The following ZMYM2 variants were observed in gnomAD, a reference collection of about 807,000 sequenced individuals.
ZMYM2 encodes zinc finger MYM-type containing 2, also known as zinc finger MYM-type protein 2.
Under a neutral mutation model 162.8 loss-of-function variants are expected in ZMYM2, and 56 were observed. The observed-to-expected ratio is 0.34, with a 90% CI of 0.28 to 0.43. The LOEUF is 0.43. Ranked by LOEUF, ZMYM2 falls within the 20% of genes least tolerant of loss-of-function variation. The pLI, the probability that ZMYM2 is intolerant of heterozygous loss-of-function variation, is 1.00. For synonymous variants in ZMYM2, 510 were observed against 541.6 expected, an observed-to-expected ratio of 0.94 and a Z score of 0.81; for missense variants, 1,275 against 1,621.8, an observed-to-expected ratio of 0.79 and a Z score of 3.67.
intron 12 of ZMYM2, among the ~76,000 whole-genome samples, chr13:20,049,581 G>C (rs1162660090): frequency 6.6e-6 from 1 of 151,998 alleles, no homozygotes; most frequent in Non-Finnish European, 1.5e-5. Flanking sequence ...CTCATTTATA[G>C]TAACTCATTT....
chr13:20,069,435 C>T (rs1228439810), intron 21 of ZMYM2, among the ~76,000 whole-genome samples: 3 of 67,848 alleles, frequency 4.4e-5, no homozygotes, highest in African/African-American at 8.1e-5. Flanking sequence ...TTTTTGGTAG[C>T]TCCCTGTTAC....
chr13:19,924,319 C>A, the ZMYM2 span, among the ~76,000 whole-genome samples: 1 of 152,114 alleles, frequency 6.6e-6, no homozygotes, highest in Non-Finnish European at 1.5e-5. Flanking sequence ...AATCCCAGCA[C>A]GTTGGGAGCT....
chr13:19,888,864 C>T, the ZMYM2 span, among the ~76,000 whole-genome samples: 2 of 151,958 alleles, frequency 1.3e-5, no homozygotes, highest in African/African-American at 4.9e-5. Context: ...CTCCCAAAGG[C>T]TGGGATTACA....
intron 3 of ZMYM2, among the ~76,000 whole-genome samples, chr13:19,997,674 T>A (rs571370631): frequency 6.6e-6 from 1 of 152,290 alleles, no homozygotes; most frequent in East Asian, 1.9e-4. Context: ...CTCAAATTAG[T>A]TTTAAAATAG....
chr13:19,967,617 A>T (rs971344223), intron 2 of ZMYM2, among the ~76,000 whole-genome samples: 1 of 152,238 alleles, frequency 6.6e-6, no homozygotes, highest in African/African-American at 2.4e-5. Context: ...TAATATAACT[A>T]TTAAAAACAA....
At chr13:19,894,348 G>T in the ZMYM2 span, among the ~76,000 whole-genome samples, 8,470 of 141,834 alleles carry the variant, frequency 0.06, 503 homozygotes, top group African/African-American at 0.15. Flanking sequence ...TGGATATCTT[G>T]TTTTTTTTTT....
At chr13:20,075,857 T>G (rs937209333) in intron 21 of ZMYM2, among the ~76,000 whole-genome samples, 2 of 150,310 alleles carry the variant, frequency 1.3e-5, no homozygotes, top group East Asian at 2.0e-4. Context: ...GCTAGTTGGG[T>G]TTTTTTTCCC....
At position 20,066,765 on chromosome 13, in the gene ZMYM2, T is replaced by TG. The variant is rs555185278; in HGVS notation, c.3133-85dup. 3,664 of 1,301,206 alleles carry TG rather than the reference T, an allele frequency of 2.8e-3. 15 individuals carry two copies. The highest frequency in any genetic ancestry group is 6.8e-3 in the South Asian group (353 of 52,228). 80.6% of individuals were successfully genotyped at this position (1,301,206 alleles called of 1,614,324 possible). ...TGTTGCTCAAGGGTCAATTGTAATT[T>TG]GCCTTTGTTGAGAGATGGCTTGTAT... is the stretch of plus-strand genomic sequence containing the variant. On this transcript the variant is annotated intron_variant, in intron 19 of 24. Coordinates refer to ENST00000610343, the MANE Select transcript of ZMYM2 (RefSeq NM_197968.4).
intron 2 of ZMYM2, among the ~76,000 whole-genome samples, chr13:19,971,244 G>GTGTGTGTATATATATA (rs5802035): frequency 8.0e-5 from 4 of 50,132 alleles, no homozygotes; most frequent in African/African-American, 2.0e-4. Context: ...GTGTGTGTGT[G>GTGTGTGTATATATATA]TATATATATA....
At chr13:20,019,812 T>C in intron 7 of ZMYM2, 194 bp downstream of exon 7, 1 of 574,584 alleles carries the variant, frequency 1.7e-6, no homozygotes, top group East Asian at 3.1e-5. Flanking sequence ...ATGTATTTTC[T>C]TGTGATATGC....
chr13:20,085,170 G>A (rs1023226701), intron 24 of ZMYM2, among the ~76,000 whole-genome samples: 1 of 152,092 alleles, frequency 6.6e-6, no homozygotes, highest in Admixed American at 6.5e-5. Flanking sequence ...TTTTGGGCGC[G>A]AACTCCTCAC....
intron 6 of ZMYM2, among the ~76,000 whole-genome samples, chr13:20,010,972 A>G (rs1209805285): frequency 2.0e-5 from 3 of 152,188 alleles, no homozygotes; most frequent in East Asian, 3.9e-4. Flanking sequence ...TAATACTTGT[A>G]TATACGTAGG....
upstream of ZMYM2, among the ~76,000 whole-genome samples, chr13:19,958,328 G>C (rs1479904034): frequency 2.0e-5 from 3 of 152,120 alleles, no homozygotes; most frequent in Non-Finnish European, 4.4e-5. Flanking sequence ...GCCCGGGCTC[G>C]GGCGAGGGCA....
chr13:19,976,017 G>A (rs549365485), intron 2 of ZMYM2, among the ~76,000 whole-genome samples: 2 of 151,956 alleles, frequency 1.3e-5, no homozygotes, highest in Admixed American at 1.3e-4. Flanking sequence ...GCACCACCAC[G>A]CCTGACCTCC....
At chr13:20,066,306 A>G (rs908098172) in intron 19 of ZMYM2, among the ~76,000 whole-genome samples, 2 of 152,150 alleles carry the variant, frequency 1.3e-5, no homozygotes, top group African/African-American at 2.4e-5. Context: ...AAATTTGTGT[A>G]TAACTTTTGA....
chr13:19,938,077 G>A, the ZMYM2 span, among the ~76,000 whole-genome samples: 16 of 152,130 alleles, frequency 1.1e-4, no homozygotes, highest in Non-Finnish European at 2.4e-4. Flanking sequence ...TTGGTTCCAA[G>A]TCTTTGCCAT....
At chr13:20,048,438 A>C (rs922905185) in intron 12 of ZMYM2, among the ~76,000 whole-genome samples, 8 of 151,974 alleles carry the variant, frequency 5.3e-5, no homozygotes, top group South Asian at 2.1e-4. Flanking sequence ...TTTTTAAAAA[A>C]AATTTGTAGC....
the ZMYM2 span, among the ~76,000 whole-genome samples, chr13:19,929,156 A>G: frequency 1.3e-5 from 2 of 152,216 alleles, no homozygotes; most frequent in South Asian, 4.1e-4. Flanking sequence ...TATATCTATA[A>G]ATAATGATAG....
At chr13:19,957,699 T>C (rs1393003966), upstream of ZMYM2, among the ~76,000 whole-genome samples, 3 of 152,122 alleles carry the variant, frequency 2.0e-5, no homozygotes, top group Admixed American at 2.0e-4. Flanking sequence ...TGGCAGGCGG[T>C]AGAGAGGCCT....
Sources: allele counts gnomAD v4.1 joint callset (sites outside exome capture counted in the v4.1 genomes callset), GRCh38; gene constraint gnomAD v4.1.1; transcripts MANE v1.5; gene names NCBI Gene and HGNC (gene_info 2026-07-23, HGNC 2026-07-21).